Variants in PPP1R13B observed in about 807,000 individuals in gnomAD.
PPP1R13B encodes the protein protein phosphatase 1 regulatory subunit 13B.
Under a neutral mutation model 119.8 loss-of-function variants are expected in PPP1R13B, and 44 were observed. That is an observed-to-expected ratio of 0.37 (90% CI 0.29 to 0.47). The LOEUF (loss-of-function observed/expected upper bound fraction) is 0.47, where lower values mean the gene tolerates loss of function less well. Among genes scored for constraint, PPP1R13B ranks in the 20% least tolerant of loss-of-function variants. The pLI, the probability that PPP1R13B is intolerant of heterozygous loss-of-function variation, is 0.99. For missense variants in PPP1R13B, 1,227 were observed against 1,413.5 expected, an observed-to-expected ratio of 0.87 and a Z score of 2.12; for synonymous variants, 542 against 561.5, an observed-to-expected ratio of 0.97 and a Z score of 0.49.
At chr14:103,751,410 T>A (rs1488479985) in intron 7 of PPP1R13B, among the ~76,000 whole-genome samples, 1 of 152,244 alleles carries the variant, frequency 6.6e-6, no homozygotes, top group African/African-American at 2.4e-5. Context: ...CCTCATTTCA[T>A]AAAATGATGT....
At chr14:103,735,966 G>GAC in intron 16 of PPP1R13B, 37 bp downstream of exon 16, 1 of 1,606,982 alleles carries the variant, frequency 6.2e-7, no homozygotes, top group Non-Finnish European at 8.5e-7. Flanking sequence ...CAGAGACACG[G>GAC]GCAGCTAGTT....
Position 103,740,586 on chromosome 14 carries a change from A to G in PPP1R13B, c.1830T>C (p.Gly610=). ...ALNKSVKAVY[G]KPVLPSGSTS... The stretch of plus-strand genomic sequence containing the variant: ...TTGAACCCGAAGGTAAAACGGGCTT[A>G]CCATACACTGGGGAAGACACAAAGG... The change falls in exon 12 of 17, where the codon GGT becomes GGC. Residue 610 remains glycine (G), a synonymous_variant. Coordinates refer to ENST00000202556, the MANE Select transcript of PPP1R13B (RefSeq NM_015316.3). The surrounding 1 kb of genome is among the most constrained non-coding windows in gnomAD (Gnocchi z 4.6). The G allele has an allele frequency of 6.6e-7, 1 of 1,522,486 alleles. No individual in the cohort carries two copies. The highest frequency in any genetic ancestry group is 8.8e-7 in the Non-Finnish European group (1 of 1,134,570). The allele number at this position is 1,522,486 out of a possible 1,614,324, so 94.3% of individuals were successfully genotyped here. A position where few individuals can be genotyped will look rare whatever the true frequency, so the allele number is the denominator to read the frequency against.
At chr14:103,758,990 GCT>G (rs1220848105) in intron 4 of PPP1R13B, among the ~76,000 whole-genome samples, 44 of 147,684 alleles carry the variant, frequency 3.0e-4, no homozygotes, top group Non-Finnish European at 5.2e-4. Context: ...ACGGAGTCTC[GCT>G]CTGTCACCCA....
At chr14:103,736,351 A>C in intron 15 of PPP1R13B, 149 bp from the exon 16 acceptor site, 1 of 778,662 alleles carries the variant, frequency 1.3e-6, no homozygotes, top group Non-Finnish European at 2.1e-6. Context: ...ACACTATTGA[A>C]GACTAGGGCC....
At chr14:103,768,442 G>A (rs7147292) in intron 4 of PPP1R13B, among the ~76,000 whole-genome samples, 3,401 of 152,168 alleles carry the variant, frequency 0.022, 116 homozygotes, top group African/African-American at 0.076. Flanking sequence ...AACTACAGGC[G>A]TGCGCCACCA....
chr14:103,739,725 C>T, intron 12 of PPP1R13B, 99 bp downstream of exon 12: 1 of 1,376,720 alleles, frequency 7.3e-7, no homozygotes, highest in Non-Finnish European at 9.6e-7. Context: ...CCCTGGTTCC[C>T]ACTGCTCCCA....
At position 103,847,549 on chromosome 14, in the gene PPP1R13B, T is replaced by G; in HGVS notation, c.-242A>C. ...CGCCGCCGCCGCCTCAACCTCAGCC[T>G]CAGCCTCAGCCCCAGCCCGACAGCC... On this transcript the variant is annotated 5_prime_UTR_variant, in exon 1 of 17. Coordinates refer to ENST00000202556, the MANE Select transcript of PPP1R13B (RefSeq NM_015316.3). 1 of 985,378 alleles carries G rather than the reference T, an allele frequency of 1.0e-6. No individual in the cohort carries two copies. Among genetic ancestry groups the G allele is most frequent in the South Asian group, 4.5e-5 (1 of 22,078 alleles). 61.0% of individuals were successfully genotyped at this position (985,378 alleles called of 1,614,324 possible).
At chr14:103,745,770 A>G (rs1324488247) in intron 9 of PPP1R13B, among the ~76,000 whole-genome samples, 1 of 152,162 alleles carries the variant, frequency 6.6e-6, no homozygotes, top group Admixed American at 6.5e-5. Flanking sequence ...ATAAACCTGC[A>G]GTAAGAGAGG....
intron 3 of PPP1R13B, among the ~76,000 whole-genome samples, chr14:103,780,732 T>C (rs535113356): frequency 6.6e-6 from 1 of 150,656 alleles, no homozygotes; most frequent in South Asian, 2.1e-4. Context: ...GGGAATTGCT[T>C]GAACCCGGGA....
chr14:103,742,510 ACC>A lies in PPP1R13B; in HGVS notation c.1320+142_1320+143del. 1 of 1,297,872 alleles carries A rather than the reference ACC, an allele frequency of 7.7e-7. No homozygotes were observed. Among genetic ancestry groups the A allele is most frequent in the Non-Finnish European group, 1.0e-6 (1 of 954,802 alleles). The allele number at this position is 1,297,872 out of a possible 1,614,324, so 80.4% of individuals were successfully genotyped here. On this transcript the variant is annotated intron_variant, in intron 10 of 16. Transcript: ENST00000202556. The surrounding 1 kb of genome is among the most constrained non-coding windows in gnomAD (Gnocchi z 4.9). ...CTGCTCAGGCTCTTAGGGCCCAGTA[ACC>A]CTCTAGGACTTTGGGTGTTGTCTGG...
chr14:103,771,194 A>C (rs1276002455), intron 4 of PPP1R13B, among the ~76,000 whole-genome samples: 9 of 152,332 alleles, frequency 5.9e-5, no homozygotes, highest in Non-Finnish European at 1.2e-4. Context: ...ACAAAAGGAC[A>C]GTAGAAATTG....
At chr14:103,798,796 A>T (rs963690919) in intron 1 of PPP1R13B, among the ~76,000 whole-genome samples, 6 of 149,772 alleles carry the variant, frequency 4.0e-5, no homozygotes, top group Non-Finnish European at 5.9e-5. Flanking sequence ...TCTGCCTCCT[A>T]GACTCCAGAG....
At chr14:103,846,954 C>T (rs1051491517) in intron 1 of PPP1R13B, 2 of 1,200,684 alleles carry the variant, frequency 1.7e-6, no homozygotes, top group Non-Finnish European at 2.1e-6. Flanking sequence ...TCGTTTCAGG[C>T]GGGTCACAGC....
rs548081993 is a variant in PPP1R13B at position 103,734,745 on chromosome 14, C to T, written c.*409G>A. 37 of 462,458 alleles carry T rather than the reference C, an allele frequency of 8.0e-5. No homozygotes were observed. Among genetic ancestry groups the T allele is most frequent in the African/African-American group, 9.9e-5 (5 of 50,466 alleles). 28.6% of individuals were successfully genotyped at this position (462,458 alleles called of 1,614,324 possible). A position where few individuals can be genotyped will look rare whatever the true frequency, so the allele number is the denominator to read the frequency against. ...TCCGATTCGGTGACGGGGGGCAGGG[C>T]GGTCGCAGGGGAGCAGGCCTCACAG... On this transcript the variant is annotated 3_prime_UTR_variant, in exon 17 of 17. Coordinates refer to ENST00000202556, the MANE Select transcript of PPP1R13B (RefSeq NM_015316.3).
chr14:103,765,522 C>T (rs1179377869), intron 4 of PPP1R13B, among the ~76,000 whole-genome samples: 1 of 152,204 alleles, frequency 6.6e-6, no homozygotes, highest in Non-Finnish European at 1.5e-5. Flanking sequence ...GAAGCCTCAG[C>T]AGCAACATCT....
At chr14:103,821,298 T>G (rs1245168620) in intron 1 of PPP1R13B, among the ~76,000 whole-genome samples, 1 of 152,338 alleles carries the variant, frequency 6.6e-6, no homozygotes, top group South Asian at 2.1e-4. Flanking sequence ...CTCTCAAATC[T>G]AATTTCCTCT....
chr14:103,822,323 C>T (rs1364662097), intron 1 of PPP1R13B, among the ~76,000 whole-genome samples: 1 of 151,946 alleles, frequency 6.6e-6, no homozygotes, highest in Non-Finnish European at 1.5e-5. Context: ...TTAGTAGACA[C>T]GGGGTTTCGC....
chr14:103,802,263 A>G (rs1429623651), intron 1 of PPP1R13B, among the ~76,000 whole-genome samples: 1 of 152,190 alleles, frequency 6.6e-6, no homozygotes, highest in East Asian at 1.9e-4. Flanking sequence ...GAGCCAAGAT[A>G]GCACCACTGC....
At chr14:103,736,306 C>A in intron 15 of PPP1R13B, 104 bp from the exon 16 acceptor site, 2 of 1,252,358 alleles carry the variant, frequency 1.6e-6, no homozygotes, top group South Asian at 1.3e-5. Flanking sequence ...AGGCTGCTCT[C>A]AGCAGGCCCC....
Sources: gnomAD v4.1 joint callset for allele counts (sites outside exome capture counted in the v4.1 genomes callset) on GRCh38, gnomAD v4.1.1 for gene constraint, Gnocchi (gnomAD v3.1) non-coding constraint, MANE v1.5 for transcripts, NCBI Gene and HGNC (gene_info 2026-07-23, HGNC 2026-07-21) for gene names.